Variants in CCDC136 observed in about 807,000 individuals in gnomAD.
The protein encoded by CCDC136 is coiled-coil domain-containing protein 136.
CCDC136 carries 100 observed loss-of-function variants against 141.2 expected under a neutral mutation model. The observed-to-expected ratio is 0.71, with a 90% CI of 0.60 to 0.84. The LOEUF (loss-of-function observed/expected upper bound fraction) is 0.84. CCDC136 is among the 40% of genes least tolerant of loss of function. The pLI, the probability that CCDC136 is intolerant of heterozygous loss-of-function variation, is 0.00. For synonymous variants in CCDC136, 474 were observed against 531.9 expected (o/e 0.89, Z 1.50); for missense variants, 1,206 against 1,379.4 (o/e 0.87, Z 1.99).
chr7:128,814,455 A>T (rs1806271495), intron 14 of CCDC136, among the ~76,000 whole-genome samples, 183 bp from the exon 15 acceptor site: 2 of 152,122 alleles, frequency 1.3e-5, no homozygotes, highest in African/African-American at 4.8e-5. Flanking sequence ...AGCTATTTGT[A>T]AAACTATTTG....
chr7:128,798,857 G>A (rs964388635), intron 3 of CCDC136, among the ~76,000 whole-genome samples: 2 of 152,050 alleles, frequency 1.3e-5, no homozygotes, highest in Admixed American at 6.6e-5. Context: ...TCAAGGAGAC[G>A]TAACAGCTAG....
In CCDC136 at chr7:128,821,820, C is replaced by T; in HGVS notation, c.*27C>T. 1 of 1,290,430 alleles carries T rather than the reference C, an allele frequency of 7.7e-7. No homozygotes were observed. The highest frequency in any genetic ancestry group is 1.2e-5 in the South Asian group (1 of 81,020). 79.9% of individuals were successfully genotyped at this position (1,290,430 alleles called of 1,614,324 possible). ...ACAGAACATGTTTGGGTTGTGGAAGCCTATGGTATTCTTGGCTATTGCAGC... is the reference window on the plus strand; with the variant it reads ...ACAGAACATGTTTGGGTTGTGGAAGTCTATGGTATTCTTGGCTATTGCAGC... On this transcript the variant is annotated 3_prime_UTR_variant, in exon 18 of 18. Transcript: ENST00000297788. The surrounding 1 kb of genome is among the most constrained non-coding windows in gnomAD (Gnocchi z 5.1).
At chr7:128,799,172 TAAAAAAAAAAAAA>T (rs35342890) in intron 3 of CCDC136, among the ~76,000 whole-genome samples, 1 of 51,316 alleles carries the variant, frequency 1.9e-5, no homozygotes, top group African/African-American at 1.0e-4. Context: ...ATCTCTACAT[TAAAAAAAAAAAAA>T]AAAAAAAAAA....
In CCDC136 at chr7:128,806,744, G is replaced by A. The variant is rs752618482; in HGVS notation, c.1305G>A (p.Glu435=). The change falls in exon 9 of 18, where the codon GAG becomes GAA. Residue 435 remains glutamate (E), a synonymous_variant. Transcript: ENST00000297788. Reference sequence around the variant, plus strand: ...TCCAGCACCAGAACGTCACATGTGAGAAGGAAAAGCTGCTGGAACGGCAGC... The same window carrying A: ...TCCAGCACCAGAACGTCACATGTGAAAAGGAAAAGCTGCTGGAACGGCAGC... ...LHLQHQNVTC[E]KEKLLERQQQ... is the part of the protein sequence containing the mutation. 33 of 1,611,944 alleles carry A rather than the reference G, an allele frequency of 2.0e-5. No individual in the cohort carries two copies. The highest frequency in any genetic ancestry group is 2.8e-5 in the Non-Finnish European group (33 of 1,179,546).
intron 17 of CCDC136, chr7:128,818,407 A>G (rs1314902973): frequency 6.5e-6 from 1 of 153,764 alleles, no homozygotes; most frequent in African/African-American, 2.4e-5. Flanking sequence ...GTAGGAGGGC[A>G]ACCTAAGCTG....
rs370349092 is a variant in CCDC136 at position 128,807,371 on chromosome 7, G to A, written c.1431G>A (p.Thr477=). 6.0e-5 allele frequency: 93 copies of A among 1,539,710 alleles called. No homozygotes were observed. Among genetic ancestry groups the A allele is most frequent in the Middle Eastern group, 3.5e-4 (2 of 5,682 alleles). Residue 477 remains threonine (T), a synonymous_variant, in exon 10 of 18, where the codon ACG becomes ACA. Coordinates refer to ENST00000297788, the MANE Select transcript of CCDC136 (RefSeq NM_022742.5). ...CCTCCCCTGCCCAGGACACAGAGAC[G>A]CACGCTCAGCTTCAGGAGATGAAGC... ...FKESNEKDTE[T]HAQLQEMKQL...
intron 10 of CCDC136, chr7:128,808,388 T>C (rs1805192596): frequency 1.4e-6 from 1 of 694,076 alleles, no homozygotes; most frequent in Non-Finnish European, 1.8e-6. Context: ...TGGAAGAGAA[T>C]ACTACTCTTA....
chr7:128,794,444 G>T lies in CCDC136; in HGVS notation c.113G>T (p.Gly38Val), dbSNP rs143537881. 4 of 1,552,582 alleles carry T rather than the reference G, an allele frequency of 2.6e-6. No homozygotes were observed. Among genetic ancestry groups the T allele is most frequent in the Non-Finnish European group, 3.5e-6 (4 of 1,147,408 alleles). The stretch of plus-strand genomic sequence containing the variant: ...GAAGAAGAACAAGTGCAGAAAGGTG[G>T]CAGTGTTGGCTCTCTGTCAGTCAAC... ...EEEEEQVQKGGSVGSLSVNKH... is the reference protein window; with the variant it reads ...EEEEEQVQKGVSVGSLSVNKH... The change falls in exon 2 of 18, where the codon GGC becomes GTC. Residue 38 changes from glycine to valine, a missense_variant. Physicochemically the swap from Gly to Val is moderately radical, Grantham distance 109. Coordinates refer to ENST00000297788, the MANE Select transcript of CCDC136 (RefSeq NM_022742.5). The surrounding 1 kb of genome is among the most constrained non-coding windows in gnomAD (Gnocchi z 4.3).
Position 128,794,308 on chromosome 7 carries a change from G to T in CCDC136, c.17-40G>T. On this transcript the variant is annotated intron_variant, in intron 1 of 17. Coordinates refer to ENST00000297788, the MANE Select transcript of CCDC136 (RefSeq NM_022742.5). This position sits in a 1 kb window ranked among gnomAD's most constrained non-coding sequence, Gnocchi z 4.3. ...GCCCTGGAAGGACGGCAGAAAGGAAGTTGATGCTGACTCCTTGGTGGGATG... is the reference window on the plus strand; with the variant it reads ...GCCCTGGAAGGACGGCAGAAAGGAATTTGATGCTGACTCCTTGGTGGGATG... 1 of 1,551,640 alleles carries T rather than the reference G, an allele frequency of 6.4e-7. No individual in the cohort carries two copies. The highest frequency in any genetic ancestry group is 1.2e-5 in the South Asian group (1 of 83,904).
intron 15 of CCDC136, 148 bp from the exon 16 acceptor site, chr7:128,815,466 A>G: frequency 1.2e-6 from 1 of 831,778 alleles, no homozygotes; most frequent in Non-Finnish European, 1.9e-6. Context: ...TGCTCAGGGG[A>G]TTGGCTCACA....
At chr7:128,819,513 T>C (rs1807147757) in intron 17 of CCDC136, among the ~76,000 whole-genome samples, 1 of 152,206 alleles carries the variant, frequency 6.6e-6, no homozygotes, top group Non-Finnish European at 1.5e-5. Flanking sequence ...TAGATGAAAG[T>C]ATTCTATAAA....
At position 128,792,178 on chromosome 7, in the gene CCDC136, G is replaced by T. The variant is rs1802273383; in HGVS notation, c.-234G>T. The T allele has an allele frequency of 2.8e-6, 4 of 1,447,044 alleles. No homozygotes were observed. In the Admixed American group the frequency reaches 1.0e-4, roughly 38 times the overall value. The allele number at this position is 1,447,044 out of a possible 1,614,324, so 89.6% of individuals were successfully genotyped here. A position where few individuals can be genotyped will look rare whatever the true frequency, so the allele number is the denominator to read the frequency against. On this transcript the variant is annotated 5_prime_UTR_variant, in exon 1 of 18. Coordinates refer to ENST00000297788, the MANE Select transcript of CCDC136 (RefSeq NM_022742.5). ...GCCGAGAGAGAGGAGTCGCAGAGCC[G>T]CCAGAGTGAGTCAGGCACCTCCACT...
At chr7:128,815,525 A>C (rs1449236548) in intron 15 of CCDC136, 89 bp from the exon 16 acceptor site, 10 of 1,391,290 alleles carry the variant, frequency 7.2e-6, no homozygotes, top group Non-Finnish European at 9.6e-6. Flanking sequence ...GCTGGAAGTC[A>C]TGTTTCCTGG....
Position 128,805,790 on chromosome 7 carries a change from G to C in CCDC136, c.978G>C (p.Glu326Asp). 1.2e-6 allele frequency: 2 copies of C among 1,613,096 alleles called. No homozygotes were observed. Among genetic ancestry groups the C allele is most frequent in the Non-Finnish European group, 1.7e-6 (2 of 1,179,504 alleles). The stretch of plus-strand genomic sequence containing the variant: ...AGGAATTGTGTTGTGAGTTGGAAGA[G>C]CTACAGCATCATCGCCAGGTCAGTG... ...KCQELCCELE[E>D]LQHHRQVSEE... The change falls in exon 7 of 18, where the codon GAG becomes GAC. Residue 326 changes from glutamate (E) to aspartate (D), a missense_variant. By Grantham distance (45) the Glu-to-Asp change is conservative. Transcript: ENST00000297788. The surrounding 1 kb of genome is among the most constrained non-coding windows in gnomAD (Gnocchi z 4.6).
At chr7:128,799,690 G>A (rs1250327861) in intron 3 of CCDC136, among the ~76,000 whole-genome samples, 1 of 152,038 alleles carries the variant, frequency 6.6e-6, no homozygotes, top group African/African-American at 2.4e-5. Context: ...TGACATCTGA[G>A]TGGTGAGTAG....
upstream of CCDC136, chr7:128,791,949 G>A (rs1554374465): frequency 7.0e-6 from 6 of 854,284 alleles, no homozygotes; most frequent in Non-Finnish European, 9.0e-6. This position sits in a 1 kb window ranked among gnomAD's most constrained non-coding sequence, Gnocchi z 7.1. Flanking sequence ...CTTCCCGCAC[G>A]CCCCCCACTC....
At position 128,803,013 on chromosome 7, in the gene CCDC136, A is replaced by G. The variant is rs187489867; in HGVS notation, c.670+1504A>G. Among the ~76,000 whole-genome samples, 131 of 152,374 alleles carry G rather than the reference A, an allele frequency of 8.6e-4. 1 individual carries two copies. The highest frequency in any genetic ancestry group is 1.6e-3 in the Non-Finnish European group (108 of 68,040). On this transcript the variant is annotated intron_variant, in intron 4 of 17. Transcript: ENST00000297788. ...CCTCCCTTATATGGTAATCTGCAGT[A>G]TTCTAAGGAATTCTGATTAGAATTA...
In CCDC136 at chr7:128,821,259, T is replaced by C. The variant is rs1332473515; in HGVS notation, c.*6-540T>C. On this transcript the variant is annotated intron_variant, in intron 17 of 17. Coordinates refer to ENST00000297788, the MANE Select transcript of CCDC136 (RefSeq NM_022742.5). The surrounding 1 kb of genome is among the most constrained non-coding windows in gnomAD (Gnocchi z 5.1). ...ACCTAGGCCCAGTGACAGGTTTCCT[T>C]AAATTTCCTTGAACCAATGTCATTC... is the stretch of plus-strand genomic sequence containing the variant. Among the ~76,000 whole-genome samples the C allele has an allele frequency of 6.6e-6, 1 of 152,218 alleles. No homozygotes were observed. Among genetic ancestry groups the C allele is most frequent in the African/African-American group, 2.4e-5 (1 of 41,450 alleles).
Position 128,811,825 on chromosome 7 carries a change from T to C in CCDC136, c.2054T>C (p.Met685Thr). The change falls in exon 13 of 18, where the codon ATG becomes ACG. Residue 685 changes from methionine (M) to threonine (T), a missense_variant. Met to Thr is a moderately conservative substitution (Grantham distance 81). Coordinates refer to ENST00000297788, the MANE Select transcript of CCDC136 (RefSeq NM_022742.5). ...CAATCCAAGCTGCTCATGGAGCAGA[T>C]GCAGGCCCTGCAGGTGATGTATGAC... Reference protein sequence around the residue: ...NKQSKLLMEQMQALQVMYDAG... With the variant: ...NKQSKLLMEQTQALQVMYDAG... 1.9e-6 allele frequency: 3 copies of C among 1,597,618 alleles called. No individual in the cohort carries two copies. The highest frequency in any genetic ancestry group is 1.7e-6 in the Non-Finnish European group (2 of 1,173,334).
Sources: allele counts gnomAD v4.1 joint callset (sites outside exome capture counted in the v4.1 genomes callset), GRCh38; gene constraint gnomAD v4.1.1; non-coding constraint Gnocchi (gnomAD v3.1); transcripts MANE v1.5; gene names NCBI Gene and HGNC (gene_info 2026-07-23, HGNC 2026-07-21).